The following MYO18B variants were observed in gnomAD, a reference collection of about 807,000 sequenced individuals.
MYO18B encodes the protein myosin XVIIIB.
Under a neutral mutation model 273.0 loss-of-function variants are expected in MYO18B, and 204 were observed. The observed-to-expected ratio is 0.75, with a 90% CI of 0.67 to 0.84. The LOEUF is 0.84. MYO18B is among the 40% of genes least tolerant of loss of function. The probability of loss-of-function intolerance (pLI) is 0.00; values close to 1 mark genes in which losing one functional copy is unlikely to be tolerated. For synonymous variants in MYO18B, 1,330 were observed against 1,305.7 expected, an observed-to-expected ratio of 1.02 and a Z score of -0.40; for missense variants, 3,212 against 3,287.6, an observed-to-expected ratio of 0.98 and a Z score of 0.56.
At chr22:25,968,470 C>T (rs905326939) in intron 39 of MYO18B, among the ~76,000 whole-genome samples, 3 of 152,190 alleles carry the variant, frequency 2.0e-5, no homozygotes, top group African/African-American at 7.2e-5. Flanking sequence ...AGAGATCTCT[C>T]TGCCTTGCCA....
intron 1 of MYO18B, among the ~76,000 whole-genome samples, chr22:25,743,355 C>T (rs2085685004): frequency 1.3e-5 from 2 of 152,194 alleles, no homozygotes; most frequent in Admixed American, 1.3e-4. Flanking sequence ...TTGTATTCTC[C>T]TATGCCTGGG....
rs992612467 is a variant in MYO18B, at chr22:26,026,653, C to A, written c.6679C>A (p.Pro2227Thr). ...STERLEPASSPLASRSTNTSP... is the reference protein window; with the variant it reads ...STERLEPASSTLASRSTNTSP... Reference sequence around the variant, plus strand: ...AGAGAGATTAGAACCTGCTTCCTCTCCCCTGGCTTCTCGGAGTACAAATAC... The same window carrying A: ...AGAGAGATTAGAACCTGCTTCCTCTACCCTGGCTTCTCGGAGTACAAATAC... Residue 2227 changes from proline (P) to threonine (T), a missense_variant, in exon 43 of 44, where the codon CCC (proline) becomes ACC (threonine). Pro to Thr is a conservative substitution (Grantham distance 38). Coordinates refer to ENST00000335473, the MANE Select transcript of MYO18B (RefSeq NM_032608.7). 1.9e-6 allele frequency: 3 copies of A among 1,613,758 alleles called. No individual in the cohort carries two copies. Among genetic ancestry groups the A allele is most frequent in the Non-Finnish European group, 2.5e-6 (3 of 1,179,886 alleles).
At chr22:25,982,826 G>A (rs1423017149) in intron 39 of MYO18B, among the ~76,000 whole-genome samples, 4 of 152,158 alleles carry the variant, frequency 2.6e-5, no homozygotes, top group African/African-American at 7.2e-5. Context: ...ACAAGGGAAC[G>A]GATTTACATG....
chr22:25,884,561 C>T (rs2091441081), intron 25 of MYO18B, among the ~76,000 whole-genome samples: 3 of 152,170 alleles, frequency 2.0e-5, no homozygotes, highest in Admixed American at 2.0e-4. Flanking sequence ...AAACTAAGGC[C>T]TCTCAGCTAA....
intron 21 of MYO18B, among the ~76,000 whole-genome samples, chr22:25,853,187 A>T (rs896249375): frequency 3.3e-5 from 5 of 152,228 alleles, no homozygotes; most frequent in Non-Finnish European, 7.4e-5. Context: ...CAGGGCGATG[A>T]CACACAAGCC....
At chr22:25,980,687 G>A (rs1245566198) in intron 39 of MYO18B, among the ~76,000 whole-genome samples, 2 of 152,168 alleles carry the variant, frequency 1.3e-5, no homozygotes, top group South Asian at 2.1e-4. Flanking sequence ...CTTTTTAAAT[G>A]TTCTACATTC....
intron 42 of MYO18B, among the ~76,000 whole-genome samples, chr22:26,016,837 C>T (rs974338986): frequency 6.6e-6 from 1 of 152,220 alleles, no homozygotes; most frequent in African/African-American, 2.4e-5. Flanking sequence ...GGAGAGGCCC[C>T]AGCCCAGGCC....
intron 17 of MYO18B, among the ~76,000 whole-genome samples, chr22:25,840,795 T>C (rs1373655956): frequency 6.6e-6 from 1 of 152,152 alleles, no homozygotes; most frequent in Non-Finnish European, 1.5e-5. Context: ...GCTAGATTTG[T>C]GGCCCCTCCC....
intron 34 of MYO18B, among the ~76,000 whole-genome samples, chr22:25,930,320 AAGGC>A (rs750774353): frequency 3.9e-5 from 6 of 151,940 alleles, no homozygotes; most frequent in Non-Finnish European, 8.8e-5. Flanking sequence ...TAAACCCTTA[AAGGC>A]AGGGACTGGG....
chr22:25,892,281 C>T (rs151123027), intron 27 of MYO18B: 1 of 152,350 alleles, frequency 6.6e-6, no homozygotes, highest in African/African-American at 2.4e-5. Flanking sequence ...ACCTGTGGAA[C>T]AGAAACTACT....
At chr22:25,916,206 G>A (rs935830604) in intron 33 of MYO18B, among the ~76,000 whole-genome samples, 1 of 152,040 alleles carries the variant, frequency 6.6e-6, no homozygotes, top group East Asian at 1.9e-4. Flanking sequence ...TCATAATAAT[G>A]TTTACTTTTG....
intron 12 of MYO18B, among the ~76,000 whole-genome samples, chr22:25,819,034 C>G (rs1212191220): frequency 2.0e-5 from 3 of 151,608 alleles, no homozygotes; most frequent in African/African-American, 7.2e-5. Flanking sequence ...CAGGTGCCAA[C>G]TCAGGGTTCT....
At chr22:25,783,679 T>C (rs1433163754) in intron 10 of MYO18B, among the ~76,000 whole-genome samples, 4 of 152,204 alleles carry the variant, frequency 2.6e-5, no homozygotes, top group Admixed American at 2.6e-4. Flanking sequence ...TAGCAGAGGA[T>C]GCCAGACGTT....
intron 23 of MYO18B, 50 bp from the exon 24 acceptor site, chr22:25,876,139 C>T (rs750765888): frequency 3.8e-6 from 6 of 1,575,478 alleles, no homozygotes; most frequent in East Asian, 4.6e-5. Context: ...TTCCTTTATC[C>T]TCACCTGGGT....
At chr22:25,771,283 T>C (rs1568994999) in intron 6 of MYO18B, among the ~76,000 whole-genome samples, 1 of 152,126 alleles carries the variant, frequency 6.6e-6, no homozygotes, top group Admixed American at 6.5e-5. Context: ...CCCAAGAAAA[T>C]GACTGCTTTT....
intron 11 of MYO18B, among the ~76,000 whole-genome samples, chr22:25,795,003 A>T (rs1439991078): frequency 6.6e-6 from 1 of 152,226 alleles, no homozygotes; most frequent in Admixed American, 6.5e-5. Context: ...AAACAGAAGC[A>T]CATGGGATGC....
chr22:25,788,650 G>A (rs968267087), intron 11 of MYO18B, among the ~76,000 whole-genome samples: 2 of 152,194 alleles, frequency 1.3e-5, no homozygotes, highest in Admixed American at 6.5e-5. Context: ...TTGACTGGAT[G>A]GCTTGCATTT....
chr22:25,964,483 A>G (rs1294725558), intron 39 of MYO18B, among the ~76,000 whole-genome samples: 3 of 152,184 alleles, frequency 2.0e-5, no homozygotes, highest in Non-Finnish European at 4.4e-5. Flanking sequence ...AATTAATAAT[A>G]TATGTTAATA....
chr22:25,905,191 C>T (rs1040268304), intron 31 of MYO18B, among the ~76,000 whole-genome samples: 9 of 152,108 alleles, frequency 5.9e-5, no homozygotes, highest in Non-Finnish European at 1.3e-4. Context: ...AACCAGGGGT[C>T]AGCTCTTGCT....
Sources: gnomAD v4.1 joint callset for allele counts (sites outside exome capture counted in the v4.1 genomes callset) on GRCh38, gnomAD v4.1.1 for gene constraint, MANE v1.5 for transcripts, NCBI Gene and HGNC (gene_info 2026-07-23, HGNC 2026-07-21) for gene names.